YTHDF2: variants seen among roughly 807,000 people sequenced by gnomAD.
YTHDF2 encodes the protein YTH domain-containing family protein 2.
In YTHDF2, 2 loss-of-function variants were observed where a neutral mutation model predicts 50.4. The ratio of observed to expected loss-of-function variants is 0.04; its 90% confidence interval spans 0.02 to 0.12. The LOEUF is 0.12. Among genes scored for constraint, YTHDF2 ranks in the 10% least tolerant of loss-of-function variants. YTHDF2 has a pLI of 1.00. For synonymous variants in YTHDF2, 217 were observed against 255.6 expected (o/e 0.85, Z 1.44); for missense variants, 483 against 722.6 (o/e 0.67, Z 3.80).
At position 28,743,050 on chromosome 1, in the gene YTHDF2, A is replaced by G. The variant is rs770247811; in HGVS notation, c.780A>G (p.Ala260=). Residue 260 remains alanine (A), a synonymous_variant, in exon 4 of 5, where the codon GCA becomes GCG. Coordinates refer to ENST00000373812, the MANE Select transcript of YTHDF2 (RefSeq NM_016258.3). This position sits in a 1 kb window ranked among gnomAD's most constrained non-coding sequence, Gnocchi z 6.9. ...AACTGAAGACCAAGAATGGCATTGC[A>G]GGGTCAAGTCTTCCGCCACCCCCGA... ...QPKLKTKNGI[A]GSSLPPPPIK... 2 of 1,614,074 alleles carry G rather than the reference A, an allele frequency of 1.2e-6. No homozygotes were observed. The highest frequency in any genetic ancestry group is 2.2e-5 in the South Asian group (2 of 91,088).
intron 4 of YTHDF2, among the ~76,000 whole-genome samples, chr1:28,744,257 A>G (rs1557541772): frequency 1.3e-5 from 2 of 151,718 alleles, no homozygotes; most frequent in Non-Finnish European, 3.0e-5. Context: ...TGATGCAGAA[A>G]GAGGTGAAGA....
intron 4 of YTHDF2, among the ~76,000 whole-genome samples, chr1:28,759,569 G>T (rs1008017066): frequency 2.0e-5 from 3 of 152,182 alleles, no homozygotes; most frequent in Non-Finnish European, 4.4e-5. Context: ...AACCTGTACA[G>T]CATGTTACCG....
chr1:28,751,151 A>G (rs965167599), intron 4 of YTHDF2, among the ~76,000 whole-genome samples: 15 of 147,638 alleles, frequency 1.0e-4, no homozygotes, highest in South Asian at 2.1e-4. Context: ...CCAGCTACTC[A>G]GGAGGCTGAG....
intron 4 of YTHDF2, among the ~76,000 whole-genome samples, chr1:28,748,912 AAC>A (rs1455868200): frequency 1.3e-5 from 2 of 152,224 alleles, no homozygotes; most frequent in African/African-American, 4.8e-5. Flanking sequence ...TAATTAAAAT[AAC>A]ACTACACTGA....
chr1:28,745,013 G>A (rs2087837580), intron 4 of YTHDF2, among the ~76,000 whole-genome samples: 2 of 152,198 alleles, frequency 1.3e-5, no homozygotes, highest in African/African-American at 2.4e-5. Flanking sequence ...TGAGCAAGGA[G>A]AAATTTTTCT....
chr1:28,743,806 C>T lies in YTHDF2; in HGVS notation c.1536C>T (p.His512=). 6.2e-7 allele frequency: 1 copy of T among 1,613,568 alleles called. No individual in the cohort carries two copies. The highest frequency in any genetic ancestry group is 8.5e-7 in the Non-Finnish European group (1 of 1,179,742). The change falls in exon 4 of 5, where the codon CAC becomes CAT. Residue 512 remains histidine (H), a synonymous_variant. Transcript: ENST00000373812. The surrounding 1 kb of genome is among the most constrained non-coding windows in gnomAD (Gnocchi z 6.9). ...VKDVPNSQLR[H]IRLENNENKP... is the part of the protein sequence containing the mutation. ...ACGTTCCCAATAGCCAACTGCGACA[C>T]ATTCGCCTAGAGAACAACGAGAATA...
At chr1:28,761,430 G>A (rs1210185161) in intron 4 of YTHDF2, among the ~76,000 whole-genome samples, 1 of 151,962 alleles carries the variant, frequency 6.6e-6, no homozygotes, top group Non-Finnish European at 1.5e-5. Flanking sequence ...GAGCCACCAT[G>A]CCTGGCCTAA....
intron 4 of YTHDF2, among the ~76,000 whole-genome samples, chr1:28,755,439 G>C (rs1570474012): frequency 6.6e-6 from 1 of 152,118 alleles, no homozygotes; most frequent in South Asian, 2.1e-4. Context: ...TTTAATTCTT[G>C]TATCCTTGTG....
At chr1:28,738,188 G>C (rs902455943) in intron 2 of YTHDF2, 71 bp from the exon 3 acceptor site, 3 of 1,238,398 alleles carry the variant, frequency 2.4e-6, no homozygotes, top group East Asian at 4.7e-5. Flanking sequence ...TCTCTGGTTA[G>C]CATATATGAA....
At chr1:28,749,179 CTTTTTTTTTTTT>C (rs60729215) in intron 4 of YTHDF2, among the ~76,000 whole-genome samples, 1 of 107,426 alleles carries the variant, frequency 9.3e-6, no homozygotes, top group African/African-American at 3.7e-5. Flanking sequence ...TTCTTTCTTC[CTTTTTTTTTTTT>C]TTTTTTTTTT....
chr1:28,741,995 T>A (rs1041490164), intron 3 of YTHDF2, among the ~76,000 whole-genome samples: 1 of 152,104 alleles, frequency 6.6e-6, no homozygotes, highest in Non-Finnish European at 1.5e-5. Context: ...AAATTTCTTA[T>A]GATATAAAAA....
rs776075397 is a variant in YTHDF2 at position 28,768,981 on chromosome 1, G to A, written c.*29G>A. 3.8e-6 allele frequency: 6 copies of A among 1,561,068 alleles called. No individual in the cohort carries two copies. The highest frequency in any genetic ancestry group is 1.4e-5 in the African/African-American group (1 of 73,726). Reference sequence around the variant, plus strand: ...GCAGTTCTACACAGACTGCAGCAACGGTTGCATCTGCATATCCTAAGAGGA... The same window carrying A: ...GCAGTTCTACACAGACTGCAGCAACAGTTGCATCTGCATATCCTAAGAGGA... On this transcript the variant is annotated 3_prime_UTR_variant, in exon 5 of 5. Transcript: ENST00000373812.
At position 28,737,678 on chromosome 1, in the gene YTHDF2, C is replaced by G. The variant is rs200983771; in HGVS notation, c.48C>G (p.Asn16Lys). ...LLEQRPKGQG[N>K]KVQNGSVHQK... ...TGCAGAGACCAAAAGGTCAAGGAAA[C>G]AAAGGTAAGTCCCGCTCCGCCGGTG... The change falls in exon 2 of 5, where the codon AAC (asparagine) becomes AAG (lysine). Residue 16 changes from asparagine to lysine, a missense_variant. By Grantham distance (94) the Asn-to-Lys change is moderately conservative. Transcript: ENST00000373812. 5.4e-4 allele frequency: 868 copies of G among 1,608,646 alleles called. 2 individuals are homozygous for G. Among genetic ancestry groups the G allele is most frequent in the Non-Finnish European group, 6.1e-4 (719 of 1,177,136 alleles).
chr1:28,768,881 A>G lies in YTHDF2; in HGVS notation c.1717-48A>G, dbSNP rs188624040. 3.2e-5 allele frequency: 48 copies of G among 1,485,334 alleles called. No homozygotes were observed. The Admixed American group carries it at 8.3e-4, about 26-fold the overall frequency. 92.0% of individuals were successfully genotyped at this position (1,485,334 alleles called of 1,614,324 possible). The stretch of plus-strand genomic sequence containing the variant: ...TGTGAAGTTTTTAAATTCATAAAGC[A>G]TGTTCAGATAATTTTTAACCATTTC... On this transcript the variant is annotated intron_variant, in intron 4 of 4. Transcript: ENST00000373812.
Position 28,737,543 on chromosome 1 carries a change from CCTCCCCTCGGGCCTGCTCCTTTATT to C in YTHDF2, c.28-109_28-85del, listed in dbSNP as rs2087712939. 9.3e-6 allele frequency: 13 copies of C among 1,405,188 alleles called. No individual in the cohort carries two copies. The South Asian group carries it at 1.5e-4, about 16-fold the overall frequency. 87.0% of individuals were successfully genotyped at this position (1,405,188 alleles called of 1,614,324 possible). ...CTCTTCCTCACTACCATTCCTGACG[CCTCCCCTCGGGCCTGCTCCTTTATT>C]CTCCCTTCGGGCCCTGCCTTAATTT... On this transcript the variant is annotated intron_variant, in intron 1 of 4. Transcript: ENST00000373812.
chr1:28,744,495 G>C (rs2087829242), intron 4 of YTHDF2, among the ~76,000 whole-genome samples: 1 of 152,152 alleles, frequency 6.6e-6, no homozygotes, highest in African/African-American at 2.4e-5. Flanking sequence ...AGTCACTTCT[G>C]ATTTCCTCTG....
intron 1 of YTHDF2, chr1:28,737,379 T>C (rs1273481016): frequency 1.6e-6 from 1 of 626,710 alleles, no homozygotes; most frequent in East Asian, 3.3e-5. Flanking sequence ...TTCCCTTCTC[T>C]CGGCGGGCCT....
chr1:28,741,310 A>AT (rs1230868548), intron 3 of YTHDF2, among the ~76,000 whole-genome samples: 2 of 148,344 alleles, frequency 1.3e-5, no homozygotes, highest in Admixed American at 6.7e-5. Flanking sequence ...TTTTTATTTT[A>AT]TTTTTTTGAG....
chr1:28,751,991 A>G (rs1433607250), intron 4 of YTHDF2, among the ~76,000 whole-genome samples: 3 of 152,178 alleles, frequency 2.0e-5, no homozygotes, highest in African/African-American at 7.2e-5. Context: ...CTAACACTGT[A>G]ATTCTCATAT....
Sources: allele counts gnomAD v4.1 joint callset (sites outside exome capture counted in the v4.1 genomes callset), GRCh38; gene constraint gnomAD v4.1.1; non-coding constraint Gnocchi (gnomAD v3.1); transcripts MANE v1.5; gene names NCBI Gene and HGNC (gene_info 2026-07-23, HGNC 2026-07-21).